Variants in SYT17 observed in about 807,000 individuals in gnomAD.
The protein encoded by SYT17 is synaptotagmin 17, also known as synaptotagmin-17.
Under a neutral mutation model 46.7 loss-of-function variants are expected in SYT17, and 22 were observed. That is an observed-to-expected ratio of 0.47 (90% confidence interval 0.34 to 0.67). The LOEUF (loss-of-function observed/expected upper bound fraction) is 0.67. Ranked by LOEUF, SYT17 falls within the 30% of genes least tolerant of loss-of-function variation. The probability of loss-of-function intolerance (pLI) is 0.01; values close to 1 mark genes in which losing one functional copy is unlikely to be tolerated. For missense variants in SYT17, 519 were observed against 612.8 expected (o/e 0.85, Z 1.62); for synonymous variants, 251 against 248.4 (o/e 1.01, Z -0.10).
intron 7 of SYT17, among the ~76,000 whole-genome samples, chr16:19,258,642 AAAAAT>A (rs1349351807): frequency 3.9e-5 from 6 of 152,134 alleles, no homozygotes; most frequent in East Asian, 3.9e-4. Context: ...ACTCCATCTC[AAAAAT>A]AAAATAAAAT....
Position 19,223,146 on chromosome 16 carries a change from A to T in SYT17, c.1053A>T (p.Thr351=). The T allele has an allele frequency of 6.2e-7, 1 of 1,613,884 alleles. No homozygotes were observed. Among genetic ancestry groups the T allele is most frequent in the Non-Finnish European group, 8.5e-7 (1 of 1,179,836 alleles). ...TTCGAGCCAAGCAACTTCTTCAGAC[A>T]GATGTGAGCCAAGGTTCAGGTACCG... The part of the protein sequence containing the change: ...DVIRAKQLLQ[T]DVSQGSDPFV... The change falls in exon 6 of 8, where the codon ACA becomes ACT. Residue 351 remains threonine, a synonymous_variant. Transcript: ENST00000355377.
intron 5 of SYT17, among the ~76,000 whole-genome samples, chr16:19,207,823 G>A (rs1466803633): frequency 1.3e-5 from 2 of 152,048 alleles, no homozygotes; most frequent in African/African-American, 4.8e-5. Context: ...ATCACTCGAG[G>A]CCAGGAGTTC....
chr16:19,215,078 G>A (rs574646093), intron 5 of SYT17, among the ~76,000 whole-genome samples: 5 of 152,282 alleles, frequency 3.3e-5, no homozygotes, highest in African/African-American at 7.2e-5. Flanking sequence ...ATGAGCCACC[G>A]TGCCCGGACA....
chr16:19,172,751 A>G lies in SYT17; in HGVS notation c.16-9A>G. ...GCCCTTGGCTTCATCGTGGATCTTA[A>G]AAGGGCAGTTGGAACCATTAAACGA... On this transcript the variant is annotated splice_polypyrimidine_tract_variant and intron_variant, in intron 1 of 7. Coordinates refer to ENST00000355377, the MANE Select transcript of SYT17 (RefSeq NM_016524.4). The G allele has an allele frequency of 6.2e-7, 1 of 1,613,902 alleles. No homozygotes were observed. The highest frequency in any genetic ancestry group is 8.5e-7 in the Non-Finnish European group (1 of 1,179,998).
At chr16:19,182,982 T>C (rs893362600) in intron 4 of SYT17, among the ~76,000 whole-genome samples, 1 of 152,184 alleles carries the variant, frequency 6.6e-6, no homozygotes, top group African/African-American at 2.4e-5. Context: ...CAAAAGAATA[T>C]GCCCGGAGTC....
intron 6 of SYT17, among the ~76,000 whole-genome samples, chr16:19,224,413 A>G (rs566504232): frequency 6.4e-4 from 98 of 152,314 alleles, no homozygotes; most frequent in Non-Finnish European, 1.2e-3. Context: ...ACTGTCAAAT[A>G]GATGAGAAAT....
Position 19,252,440 on chromosome 16 carries a change from T to C in SYT17, c.1229-14440T>C, listed in dbSNP as rs1269040215. Among the ~76,000 whole-genome samples the C allele has an allele frequency of 5.3e-4, 16 of 30,252 alleles. 6 individuals are homozygous for C. Among genetic ancestry groups the C allele is most frequent in the South Asian group, 4.9e-3 (2 of 412 alleles). 19.8% of individuals were successfully genotyped at this position (30,252 alleles called of 152,430 possible). ...ACATATATATATACATATATATACA[T>C]ATATATACACATATATACATATATA... On this transcript the variant is annotated intron_variant, in intron 7 of 7. Coordinates refer to ENST00000355377, the MANE Select transcript of SYT17 (RefSeq NM_016524.4).
At chr16:19,244,206 C>T (rs1967357874) in intron 7 of SYT17, among the ~76,000 whole-genome samples, 1 of 152,162 alleles carries the variant, frequency 6.6e-6, no homozygotes, top group Non-Finnish European at 1.5e-5. Flanking sequence ...GAAACTGAAG[C>T]TCAGAGATCT....
At chr16:19,230,404 T>TA (rs549703851) in intron 7 of SYT17, among the ~76,000 whole-genome samples, 1,511 of 141,052 alleles carry the variant, frequency 0.011, 22 homozygotes, top group African/African-American at 0.034. Context: ...TGAAACTCTT[T>TA]AAAAAAAAAA....
chr16:19,184,254 T>C, intron 5 of SYT17, 107 bp downstream of exon 5: 1 of 1,412,840 alleles, frequency 7.1e-7, no homozygotes, highest in Non-Finnish European at 9.4e-7. Flanking sequence ...TAAAACTTTT[T>C]ATTTTGAAAT....
Position 19,222,985 on chromosome 16 carries a change from G to T in SYT17, c.952-60G>T. 4.4e-6 allele frequency: 7 copies of T among 1,599,480 alleles called. No homozygotes were observed. The South Asian group carries it at 7.8e-5, about 18-fold the overall frequency. On this transcript the variant is annotated intron_variant, in intron 5 of 7. Transcript: ENST00000355377. ...AGCTGCTGCAATCAATTTCTTGTAT[G>T]GTGGGTGCAAAAGGAATAAAAGGAG...
At chr16:19,226,001 G>A (rs984590978) in intron 7 of SYT17, among the ~76,000 whole-genome samples, 1 of 152,186 alleles carries the variant, frequency 6.6e-6, no homozygotes, top group East Asian at 1.9e-4. Context: ...CATCTTAGAA[G>A]CTACTCACCA....
intron 5 of SYT17, among the ~76,000 whole-genome samples, chr16:19,193,984 G>A (rs747479997): frequency 1.3e-5 from 2 of 152,202 alleles, no homozygotes; most frequent in Admixed American, 6.5e-5. Flanking sequence ...AGGTGCTGTG[G>A]TGGGCACCTT....
chr16:19,181,058 G>T (rs1435665299), intron 4 of SYT17, among the ~76,000 whole-genome samples: 1 of 152,188 alleles, frequency 6.6e-6, no homozygotes, highest in Non-Finnish European at 1.5e-5. Context: ...GGGGGCCAGG[G>T]TGTCTGCTAC....
At position 19,179,649 on chromosome 16, in the gene SYT17, G is replaced by C. The variant is rs529415888; in HGVS notation, c.183-742G>C. 2.1e-3 allele frequency among the ~76,000 whole-genome samples: 316 copies of C among 152,306 alleles called. 1 individual carries two copies. Among genetic ancestry groups the C allele is most frequent in the Non-Finnish European group, 3.5e-3 (241 of 68,030 alleles). ...GTACTGTCAATATTTCCACTTTACA[G>C]ATGGGGAAATGGAGGTACGGGAGGG... On this transcript the variant is annotated intron_variant, in intron 3 of 7. Transcript: ENST00000355377.
At chr16:19,197,033 C>G (rs1276535422) in intron 5 of SYT17, among the ~76,000 whole-genome samples, 1 of 152,236 alleles carries the variant, frequency 6.6e-6, no homozygotes, top group African/African-American at 2.4e-5. Context: ...AGATCACTCA[C>G]CACCTGGCAC....
chr16:19,181,316 A>G (rs1964547065), intron 4 of SYT17, among the ~76,000 whole-genome samples: 1 of 151,582 alleles, frequency 6.6e-6, no homozygotes, highest in South Asian at 2.1e-4. Flanking sequence ...GAGGCTCCCA[A>G]CCTCCTTCTG....
intron 5 of SYT17, among the ~76,000 whole-genome samples, chr16:19,222,560 G>C (rs1966359684): frequency 6.6e-6 from 1 of 152,146 alleles, no homozygotes; most frequent in Admixed American, 6.6e-5. Context: ...CTACCTCCCA[G>C]GTATCCTATT....
chr16:19,248,166 A>G (rs1276082003), intron 7 of SYT17, among the ~76,000 whole-genome samples: 1 of 152,210 alleles, frequency 6.6e-6, no homozygotes, highest in African/African-American at 2.4e-5. Flanking sequence ...TAAAACCATA[A>G]TACATTACCA....
Sources: gnomAD v4.1 joint callset for allele counts (sites outside exome capture counted in the v4.1 genomes callset) on GRCh38, gnomAD v4.1.1 for gene constraint, MANE v1.5 for transcripts, NCBI Gene and HGNC (gene_info 2026-07-23, HGNC 2026-07-21) for gene names.